PARVB: variants seen among roughly 807,000 people sequenced by gnomAD.
PARVB encodes the protein beta-parvin.
A neutral mutation model predicts 47.0 loss-of-function variants in PARVB; 46 were observed. That is an observed-to-expected ratio of 0.98 (90% CI 0.77 to 1.25). The LOEUF (loss-of-function observed/expected upper bound fraction) is 1.25. PARVB is among the 50% of genes most tolerant of loss of function. The probability of loss-of-function intolerance (pLI) is 0.00; values close to 1 mark genes in which losing one functional copy is unlikely to be tolerated. For synonymous variants in PARVB, 196 were observed against 196.3 expected (o/e 1.00, Z 0.01); for missense variants, 473 against 471.6 (o/e 1.00, Z -0.03).
chr22:44,156,328 G>A (rs541277249), intron 10 of PARVB, among the ~76,000 whole-genome samples: 18 of 141,894 alleles, frequency 1.3e-4, no homozygotes, highest in South Asian at 4.5e-4. Flanking sequence ...TACCCAGGCC[G>A]GAGTACAGTG....
At chr22:44,083,331 G>A (rs996390387) in intron 1 of PARVB, among the ~76,000 whole-genome samples, 1 of 152,208 alleles carries the variant, frequency 6.6e-6, no homozygotes, top group East Asian at 1.9e-4. Context: ...GATATTCAGA[G>A]AGCAGTTATC....
intron 1 of PARVB, among the ~76,000 whole-genome samples, chr22:44,030,640 G>A (rs980210820): frequency 6.6e-5 from 10 of 152,116 alleles, no homozygotes; most frequent in Non-Finnish European, 1.0e-4. Flanking sequence ...GCAGTGCCCC[G>A]AGGAGGTGGC....
At position 44,172,863 on chromosome 22, in the gene PARVB, G is replaced by A. The variant is rs138684097; in HGVS notation, c.*4185G>A. On this transcript the variant is annotated 3_prime_UTR_variant, in exon 13 of 13. Transcript: ENST00000338758. ...GCAACACCGGGCAAACACTTCTTCC[G>A]CCAGGGATGCGGTTAGGACAATGCC... 2.5e-5 allele frequency: 21 copies of A among 826,470 alleles called. No individual in the cohort carries two copies. The East Asian group carries it at 4.1e-4, about 16-fold the overall frequency. 51.2% of individuals were successfully genotyped at this position (826,470 alleles called of 1,614,324 possible).
intron 2 of PARVB, among the ~76,000 whole-genome samples, chr22:44,010,235 T>C (rs765608029): frequency 2.0e-5 from 3 of 152,184 alleles, no homozygotes; most frequent in Non-Finnish European, 2.9e-5. Flanking sequence ...ACTCAGTATT[T>C]GTGGAATGAA....
Position 44,134,200 on chromosome 22 carries a change from G to A in PARVB, c.633+1191G>A, listed in dbSNP as rs541519364. Reference sequence around the variant, plus strand: ...CTGGGAGCTCAGTCTTGACCGGACGGGAATGCTCCTCTCTGGCATCCGGCA... The same window carrying A: ...CTGGGAGCTCAGTCTTGACCGGACGAGAATGCTCCTCTCTGGCATCCGGCA... On this transcript the variant is annotated intron_variant, in intron 6 of 12. Coordinates refer to ENST00000338758, the MANE Select transcript of PARVB (RefSeq NM_013327.5). Among the ~76,000 whole-genome samples the A allele has an allele frequency of 9.9e-5, 15 of 152,278 alleles. No homozygotes were observed. The South Asian group carries it at 2.9e-3, about 29-fold the overall frequency.
chr22:44,172,451 A>G lies in PARVB; in HGVS notation c.*3773A>G, dbSNP rs1221286584. ...AGGGGTCTCAGGCCTGCAAGGCCCA[A>G]GTGGACGCTCGGACAAGGGCAGGAA... is the stretch of plus-strand genomic sequence containing the variant. On this transcript the variant is annotated 3_prime_UTR_variant, in exon 13 of 13. Coordinates refer to ENST00000338758, the MANE Select transcript of PARVB (RefSeq NM_013327.5). The G allele has an allele frequency of 6.3e-6, 1 of 158,126 alleles. No individual in the cohort carries two copies. Among genetic ancestry groups the G allele is most frequent in the African/African-American group, 2.4e-5 (1 of 41,474 alleles). The allele number at this position is 158,126 out of a possible 1,614,324, so 9.8% of individuals were successfully genotyped here. A position where few individuals can be genotyped will look rare whatever the true frequency, so the allele number is the denominator to read the frequency against.
chr22:44,130,024 G>A (rs1601651353), intron 4 of PARVB, among the ~76,000 whole-genome samples: 2 of 152,208 alleles, frequency 1.3e-5, no homozygotes, highest in Admixed American at 1.3e-4. Context: ...AATTGAGGGA[G>A]GGGAGGCTGC....
chr22:44,095,298 C>A (rs1478696813), intron 2 of PARVB, among the ~76,000 whole-genome samples: 1 of 151,996 alleles, frequency 6.6e-6, no homozygotes, highest in Non-Finnish European at 1.5e-5. Context: ...CACTTGAGTT[C>A]AGGAGTTTGA....
chr22:44,021,353 A>C (rs2050645888), upstream of PARVB, among the ~76,000 whole-genome samples: 1 of 152,186 alleles, frequency 6.6e-6, no homozygotes, highest in Non-Finnish European at 1.5e-5. Flanking sequence ...GGGAAGATTC[A>C]AGTATATTTT....
At chr22:44,118,340 G>A (rs1347699365) in intron 3 of PARVB, among the ~76,000 whole-genome samples, 1 of 152,204 alleles carries the variant, frequency 6.6e-6, no homozygotes, top group South Asian at 2.1e-4. Context: ...AATATGAAAT[G>A]TCCAGAAAGC....
intron 3 of PARVB, among the ~76,000 whole-genome samples, chr22:44,101,478 A>G (rs1208582133): frequency 3.3e-5 from 5 of 150,632 alleles, no homozygotes; most frequent in African/African-American, 1.2e-4. Flanking sequence ...GACCGGGCGC[A>G]GTGGCTCATG....
intron 3 of PARVB, among the ~76,000 whole-genome samples, chr22:44,117,966 A>G (rs16991517): frequency 0.053 from 8,081 of 152,238 alleles, 728 homozygotes; most frequent in African/African-American, 0.18. Flanking sequence ...CTGTCTTTCC[A>G]TAGGTACTTT....
At chr22:44,067,031 A>T (rs1299879913) in intron 1 of PARVB, among the ~76,000 whole-genome samples, 1 of 152,116 alleles carries the variant, frequency 6.6e-6, no homozygotes, top group Non-Finnish European at 1.5e-5. Context: ...TTGTAGAGAC[A>T]GGGTCTCACT....
intron 1 of PARVB, 71 bp downstream of exon 1, chr22:44,024,522 C>A: frequency 1.3e-6 from 1 of 762,740 alleles, no homozygotes; most frequent in Non-Finnish European, 1.7e-6. Flanking sequence ...CCCTAGAGCC[C>A]CACGAGGCCG....
intron 1 of PARVB, among the ~76,000 whole-genome samples, chr22:44,037,745 A>G (rs2050946384): frequency 6.6e-6 from 1 of 152,236 alleles, no homozygotes; most frequent in Admixed American, 6.5e-5. Context: ...GCTGGCTCCT[A>G]GTAAGCTGAT....
chr22:44,129,276 A>T (rs543443615), intron 4 of PARVB, among the ~76,000 whole-genome samples: 2 of 152,110 alleles, frequency 1.3e-5, no homozygotes, highest in South Asian at 2.1e-4. Flanking sequence ...AGAAGGGTCT[A>T]CCCTGCCGGT....
At chr22:44,023,537 CAAAATAAAATAAAATAAAATAAAAT>C (rs869277920), upstream of PARVB, among the ~76,000 whole-genome samples, 3,708 of 127,300 alleles carry the variant, frequency 0.029, 185 homozygotes, top group African/African-American at 0.098. Flanking sequence ...TAAAACAAAA[CAAAATAAAATAAAATAAAATAAAAT>C]AAAATAAAAT....
At chr22:44,002,461 C>G (rs1471786932) in intron 2 of PARVB, among the ~76,000 whole-genome samples, 2 of 152,144 alleles carry the variant, frequency 1.3e-5, no homozygotes, top group Non-Finnish European at 2.9e-5. Context: ...TCGAGAGAAA[C>G]AAAAGCGAAG....
chr22:44,056,538 C>T, intron 1 of PARVB, among the ~76,000 whole-genome samples: 1 of 152,126 alleles, frequency 6.6e-6, no homozygotes, highest in East Asian at 1.9e-4. Context: ...CAGGTTCTCC[C>T]TCTGTCACCC....
Sources: allele counts gnomAD v4.1 joint callset (sites outside exome capture counted in the v4.1 genomes callset), GRCh38; gene constraint gnomAD v4.1.1; transcripts MANE v1.5; gene names NCBI Gene and HGNC (gene_info 2026-07-23, HGNC 2026-07-21).